The following DGKH variants were observed in gnomAD, a reference collection of about 807,000 sequenced individuals.
DGKH encodes DAG kinase eta.
Under a neutral mutation model 159.3 loss-of-function variants are expected in DGKH, and 90 were observed. The ratio of observed to expected loss-of-function variants is 0.57; its 90% CI spans 0.48 to 0.67. DGKH has a LOEUF of 0.67. DGKH is among the 30% of genes least tolerant of loss of function. The probability of loss-of-function intolerance (pLI) is 0.00; values close to 1 mark genes in which losing one functional copy is unlikely to be tolerated. For synonymous variants in DGKH, 536 were observed against 553.8 expected, an observed-to-expected ratio of 0.97 and a Z score of 0.45; for missense variants, 1,181 against 1,506.1, an observed-to-expected ratio of 0.78 and a Z score of 3.57.
chr13:42,065,263 G>A (rs1215561788), intron 1 of DGKH, among the ~76,000 whole-genome samples: 1 of 152,172 alleles, frequency 6.6e-6, no homozygotes, highest in Non-Finnish European at 1.5e-5. Flanking sequence ...AGATTTTGTA[G>A]ATTGAGTATC....
At chr13:42,076,703 T>C (rs1466391229) in intron 1 of DGKH, among the ~76,000 whole-genome samples, 1 of 152,196 alleles carries the variant, frequency 6.6e-6, no homozygotes, top group African/African-American at 2.4e-5. Context: ...ACAAATAATT[T>C]ATGGCTCTTT....
chr13:42,101,621 A>T (rs1423476594), intron 1 of DGKH, among the ~76,000 whole-genome samples: 7 of 152,202 alleles, frequency 4.6e-5, no homozygotes, highest in African/African-American at 1.7e-4. Context: ...CTGGAGGAGA[A>T]ATAATATATT....
At chr13:42,043,425 C>T (rs1188819945) in intron 1 of DGKH, among the ~76,000 whole-genome samples, 1 of 150,902 alleles carries the variant, frequency 6.6e-6, no homozygotes, top group Admixed American at 6.6e-5. Context: ...ATGATCGTAG[C>T]TCACTGCAGC....
At chr13:42,206,885 C>CA (rs1413554972) in intron 21 of DGKH, among the ~76,000 whole-genome samples, 1 of 151,700 alleles carries the variant, frequency 6.6e-6, no homozygotes, top group African/African-American at 2.4e-5. Context: ...GTAACAGATT[C>CA]ACGGGTTTGG....
chr13:42,142,203 T>G (rs1294166506), intron 3 of DGKH, among the ~76,000 whole-genome samples: 1 of 152,208 alleles, frequency 6.6e-6, no homozygotes, highest in Non-Finnish European at 1.5e-5. Context: ...ATCGAATGGT[T>G]GTAGATATGT....
At chr13:42,211,917 A>G (rs1361684750) in intron 24 of DGKH, among the ~76,000 whole-genome samples, 1 of 152,100 alleles carries the variant, frequency 6.6e-6, no homozygotes, top group Non-Finnish European at 1.5e-5. Flanking sequence ...CACCCCCATG[A>G]TTCAGTTACC....
intron 20 of DGKH, 81 bp downstream of exon 20, chr13:42,199,990 G>T: frequency 5.9e-6 from 7 of 1,186,518 alleles, no homozygotes; most frequent in Non-Finnish European, 8.2e-6. Flanking sequence ...TGACCTAAAT[G>T]CGTTTTGATT....
chr13:42,246,482 T>A (rs1287324239), downstream of DGKH, among the ~76,000 whole-genome samples: 1 of 152,132 alleles, frequency 6.6e-6, no homozygotes, highest in Non-Finnish European at 1.5e-5. Flanking sequence ...TGTATAACAC[T>A]TCTTAGTTTG....
intron 1 of DGKH, among the ~76,000 whole-genome samples, chr13:42,049,648 A>G (rs1881120673): frequency 6.6e-6 from 1 of 152,202 alleles, no homozygotes; most frequent in Non-Finnish European, 1.5e-5. Flanking sequence ...TTCGTGTCGC[A>G]GGTTCCCGCC....
downstream of DGKH, among the ~76,000 whole-genome samples, chr13:42,245,620 C>G (rs936687163): frequency 6.6e-6 from 1 of 152,060 alleles, no homozygotes; most frequent in Non-Finnish European, 1.5e-5. Flanking sequence ...GAGTCTCACT[C>G]TGTTTCCCAG....
chr13:42,219,601 T>C, intron 27 of DGKH, 85 bp from the exon 28 acceptor site: 1 of 1,343,820 alleles, frequency 7.4e-7, no homozygotes, highest in East Asian at 2.5e-5. Flanking sequence ...GTTTATAACT[T>C]ATTCCTGTGT....
rs2137881520 is a variant in DGKH, at chr13:42,140,203, C to T, written c.384+10571C>T. On this transcript the variant is annotated intron_variant, in intron 3 of 29. Transcript: ENST00000337343. ...TTCCTAGGTGGCCTTTAGCCTTTGG[C>T]ACCTTGTGGATTGCCAGTGGCAGAC... is the stretch of plus-strand genomic sequence containing the variant. 2.0e-5 allele frequency among the ~76,000 whole-genome samples: 3 copies of T among 152,292 alleles called. No individual in the cohort carries two copies. The South Asian group carries it at 6.2e-4, about 32-fold the overall frequency.
At chr13:42,040,306 G>A (rs1166751993) in intron 1 of DGKH, among the ~76,000 whole-genome samples, 1 of 152,166 alleles carries the variant, frequency 6.6e-6, no homozygotes, top group Non-Finnish European at 1.5e-5. Context: ...CGTCGCCAGC[G>A]CGGTGGCCAG....
intron 20 of DGKH, among the ~76,000 whole-genome samples, chr13:42,204,825 G>C (rs1388710988): frequency 2.0e-5 from 3 of 152,096 alleles, no homozygotes; most frequent in African/African-American, 7.2e-5. Flanking sequence ...TGGTACTCTT[G>C]ACATTGAGAC....
intron 3 of DGKH, among the ~76,000 whole-genome samples, chr13:42,133,175 A>G (rs1467973756): frequency 6.6e-6 from 1 of 150,940 alleles, no homozygotes; most frequent in East Asian, 1.9e-4. Context: ...TGTCTCAAAA[A>G]AAAAAAAAAT....
At chr13:42,247,229 CTTT>C (rs71096565), downstream of DGKH, among the ~76,000 whole-genome samples, 1,728 of 101,414 alleles carry the variant, frequency 0.017, 22 homozygotes, top group African/African-American at 0.055. Flanking sequence ...ACTATGTATA[CTTT>C]TTTTTTTTTT....
At chr13:42,160,272 C>A in intron 7 of DGKH, 136 bp downstream of exon 7, 1 of 1,211,804 alleles carries the variant, frequency 8.3e-7, no homozygotes, top group Non-Finnish European at 1.2e-6. Context: ...TGATGACATT[C>A]TTCTTTCCTT....
chr13:42,206,265 G>A, intron 21 of DGKH, 119 bp downstream of exon 21: 1 of 496,124 alleles, frequency 2.0e-6, no homozygotes, highest in Non-Finnish European at 3.2e-6. Flanking sequence ...TTTTGCATTG[G>A]GTAAGTGAGG....
intron 1 of DGKH, among the ~76,000 whole-genome samples, chr13:42,060,465 C>T (rs752762705): frequency 5.9e-5 from 9 of 152,166 alleles, no homozygotes; most frequent in South Asian, 2.1e-4. Context: ...TCTCAGTCTC[C>T]GTATTCTCAA....
Sources: gnomAD v4.1 joint callset for allele counts (sites outside exome capture counted in the v4.1 genomes callset) on GRCh38, gnomAD v4.1.1 for gene constraint, MANE v1.5 for transcripts, NCBI Gene and HGNC (gene_info 2026-07-23, HGNC 2026-07-21) for gene names.